POLN: variants seen among roughly 807,000 people sequenced by gnomAD.
POLN encodes DNA polymerase N.
A neutral mutation model predicts 113.5 loss-of-function variants in POLN; 108 were observed. The observed-to-expected ratio is 0.95, with a 90% CI of 0.81 to 1.12. The LOEUF is 1.12. POLN is among the 50% of genes most tolerant of loss of function. The probability of loss-of-function intolerance (pLI) is 0.00; values close to 1 mark genes in which losing one functional copy is unlikely to be tolerated. For missense variants in POLN, 1,097 were observed against 1,077.1 expected, an observed-to-expected ratio of 1.02 and a Z score of -0.26; for synonymous variants, 386 against 391.5, an observed-to-expected ratio of 0.99 and a Z score of 0.17.
intron 5 of POLN, 117 bp from the exon 6 acceptor site, chr4:2,198,834 A>T (rs901967549): frequency 2.9e-6 from 3 of 1,025,222 alleles, no homozygotes. Flanking sequence ...CTTGTAAATG[A>T]ATAGTTTTTT....
At chr4:2,170,959 T>C in intron 12 of POLN, 139 bp downstream of exon 12, 1 of 886,634 alleles carries the variant, frequency 1.1e-6, no homozygotes, top group Non-Finnish European at 1.7e-6. Context: ...TCTCAATGTG[T>C]TCATTACTTG....
At chr4:2,195,485 C>CA (rs1733551872) in intron 6 of POLN, among the ~76,000 whole-genome samples, 1 of 125,928 alleles carries the variant, frequency 7.9e-6, no homozygotes. Flanking sequence ...CTTGGTAATT[C>CA]TTTTTTTTTT....
At chr4:2,201,277 C>CAAAAAAAAAAAAAAAA (rs35399602) in intron 5 of POLN, among the ~76,000 whole-genome samples, 1 of 15,834 alleles carries the variant, frequency 6.3e-5, no homozygotes, top group African/African-American at 4.8e-4. Context: ...CCTACCACTC[C>CAAAAAAAAAAAAAAAA]AAAAAAAAAA....
intron 7 of POLN, among the ~76,000 whole-genome samples, chr4:2,186,232 G>C (rs1733269301): frequency 6.6e-6 from 1 of 152,190 alleles, no homozygotes; most frequent in South Asian, 2.1e-4. Context: ...CCTGGCAGGA[G>C]ACCCGTCCCT....
chr4:2,165,406 T>C (rs1732704798), intron 13 of POLN, among the ~76,000 whole-genome samples: 1 of 152,194 alleles, frequency 6.6e-6, no homozygotes, highest in Admixed American at 6.5e-5. Flanking sequence ...GCACAGTGGC[T>C]GTCAGGGGCT....
intron 23 of POLN, chr4:2,080,368 C>T (rs1577678808): frequency 6.3e-5 from 1 of 15,834 alleles, no homozygotes; most frequent in South Asian, 1.2e-3. Context: ...CAGGGCGGAG[C>T]CCCCCCCCAC....
At chr4:2,138,986 G>T (rs1008049413) in intron 16 of POLN, among the ~76,000 whole-genome samples, 2 of 152,020 alleles carry the variant, frequency 1.3e-5, no homozygotes, top group African/African-American at 4.8e-5. Flanking sequence ...GAATGAAGAG[G>T]GTTGAGACTG....
intron 6 of POLN, among the ~76,000 whole-genome samples, chr4:2,193,711 C>G (rs1322310386): frequency 6.6e-6 from 1 of 152,208 alleles, no homozygotes; most frequent in African/African-American, 2.4e-5. Flanking sequence ...ATTCCCTTTC[C>G]TCCACCACAG....
rs1028558340 is a variant in POLN at position 2,094,726 on chromosome 4, G to T, written c.2065+1125C>A. Among the ~76,000 whole-genome samples the T allele has an allele frequency of 3.3e-5, 5 of 152,206 alleles. No individual in the cohort carries two copies. The South Asian group carries it at 1.0e-3, about 32-fold the overall frequency. ...GAGGTTGGAGCTGGCCTGGCTGATT[G>T]GCTGTGGTTCTAGACAAGCTATCCA... On this transcript the variant is annotated intron_variant, in intron 20 of 25. Coordinates refer to ENST00000511885, the MANE Select transcript of POLN (RefSeq NM_181808.4).
chr4:2,154,189 C>A (rs1288207659), intron 16 of POLN, among the ~76,000 whole-genome samples: 1 of 103,996 alleles, frequency 9.6e-6, no homozygotes, highest in African/African-American at 3.6e-5. Flanking sequence ...CAGCGAGACT[C>A]CATCTCAACA....
intron 5 of POLN, among the ~76,000 whole-genome samples, chr4:2,206,282 A>C (rs1733840077): frequency 6.6e-6 from 1 of 152,224 alleles, no homozygotes; most frequent in African/African-American, 2.4e-5. Flanking sequence ...TAATACCTGA[A>C]ACTATAAAAA....
chr4:2,232,980 C>T (rs1734636473), intron 2 of POLN, among the ~76,000 whole-genome samples: 4 of 151,988 alleles, frequency 2.6e-5, no homozygotes, highest in Admixed American at 2.6e-4. Flanking sequence ...ATTCCTGTAC[C>T]CCCCCACTAG....
chr4:2,221,857 G>A (rs1389701650), intron 3 of POLN, among the ~76,000 whole-genome samples: 1 of 152,158 alleles, frequency 6.6e-6, no homozygotes, highest in African/African-American at 2.4e-5. Context: ...TTACAGGGGT[G>A]AGCTATCGCA....
chr4:2,240,821 C>A (rs1734957841), intron 2 of POLN: 2 of 1,613,840 alleles, frequency 1.2e-6, no homozygotes, highest in South Asian at 2.2e-5. Flanking sequence ...TCCCACAAAA[C>A]CACTTCAGAA....
chr4:2,110,190 A>ATT (rs1731157192), intron 19 of POLN, among the ~76,000 whole-genome samples: 1 of 152,238 alleles, frequency 6.6e-6, no homozygotes, highest in Non-Finnish European at 1.5e-5. Flanking sequence ...TTTGAAACCA[A>ATT]TGAGAACAAA....
At position 2,215,380 on chromosome 4, in the gene POLN, A is replaced by G. The variant is rs568570367; in HGVS notation, c.134-2254T>C. Among the ~76,000 whole-genome samples the G allele has an allele frequency of 8.5e-5, 13 of 152,272 alleles. No individual in the cohort carries two copies. In the East Asian group the frequency reaches 2.5e-3, roughly 29 times the overall value. On this transcript the variant is annotated intron_variant, in intron 3 of 25. Transcript: ENST00000511885. ...GGTACCCTGGGAGACCACCTCTGTGATGAAGGTTTGCATTTGAAAAGGTGA... is the reference window on the plus strand; with the variant it reads ...GGTACCCTGGGAGACCACCTCTGTGGTGAAGGTTTGCATTTGAAAAGGTGA...
chr4:2,203,266 A>T (rs1733760089), intron 5 of POLN, among the ~76,000 whole-genome samples: 1 of 152,164 alleles, frequency 6.6e-6, no homozygotes, highest in Admixed American at 6.5e-5. Flanking sequence ...TCAAAAATGA[A>T]ATCAAGATGG....
chr4:2,132,341 TG>T (rs1731747639), intron 16 of POLN, among the ~76,000 whole-genome samples: 1 of 152,180 alleles, frequency 6.6e-6, no homozygotes, highest in Non-Finnish European at 1.5e-5. Flanking sequence ...CAAGGACCTG[TG>T]GGCTAATATC....
chr4:2,146,420 G>T (rs1732141004), intron 16 of POLN, among the ~76,000 whole-genome samples: 1 of 152,220 alleles, frequency 6.6e-6, no homozygotes. Flanking sequence ...AGGCAGAATT[G>T]CTTGAACCCA....
Sources: gnomAD v4.1 joint callset for allele counts (sites outside exome capture counted in the v4.1 genomes callset) on GRCh38, gnomAD v4.1.1 for gene constraint, MANE v1.5 for transcripts, NCBI Gene and HGNC (gene_info 2026-07-23, HGNC 2026-07-21) for gene names.